Variants in PTPRE observed in about 807,000 individuals in gnomAD.
The protein encoded by PTPRE is protein tyrosine phosphatase receptor type E.
In PTPRE, 51 loss-of-function variants were observed where a neutral mutation model predicts 102.0. The ratio of observed to expected loss-of-function variants is 0.50; its 90% CI spans 0.40 to 0.63. PTPRE has a LOEUF of 0.63. PTPRE is among the 30% of genes least tolerant of loss of function. The probability of loss-of-function intolerance (pLI) is 0.00; values close to 1 mark genes in which losing one functional copy is unlikely to be tolerated. For missense variants in PTPRE, 752 were observed against 915.1 expected, an observed-to-expected ratio of 0.82 and a Z score of 2.30; for synonymous variants, 345 against 348.2, an observed-to-expected ratio of 0.99 and a Z score of 0.10.
At chr10:127,975,768 A>G (rs528734659) in intron 1 of PTPRE, among the ~76,000 whole-genome samples, 1 of 152,320 alleles carries the variant, frequency 6.6e-6, no homozygotes, top group Admixed American at 6.5e-5. Flanking sequence ...TGTCCTGAAT[A>G]CATTTCAGAG....
chr10:128,030,071 C>T (rs80057431), intron 2 of PTPRE, among the ~76,000 whole-genome samples: 2,395 of 152,322 alleles, frequency 0.016, 29 homozygotes, highest in Non-Finnish European at 0.024. Context: ...TTGCAGGCTC[C>T]TTTTTGGAAA....
At chr10:128,044,060 T>G (rs1051956047) in intron 3 of PTPRE, among the ~76,000 whole-genome samples, 7 of 152,208 alleles carry the variant, frequency 4.6e-5, no homozygotes, top group Non-Finnish European at 1.0e-4. Flanking sequence ...AGTAGTATGG[T>G]CTATTTATTT....
chr10:127,953,402 A>G (rs1849181314), intron 1 of PTPRE, among the ~76,000 whole-genome samples: 1 of 152,222 alleles, frequency 6.6e-6, no homozygotes, highest in African/African-American at 2.4e-5. Flanking sequence ...GCCTGCTGCT[A>G]TATCTTAGTA....
At chr10:127,972,150 T>C (rs1850795212) in intron 1 of PTPRE, among the ~76,000 whole-genome samples, 2 of 152,158 alleles carry the variant, frequency 1.3e-5, no homozygotes, top group African/African-American at 4.8e-5. Context: ...TCCTTGTCAG[T>C]ATCCTGTCTG....
intron 1 of PTPRE, among the ~76,000 whole-genome samples, chr10:127,914,281 A>G (rs1442969071): frequency 6.6e-6 from 1 of 152,152 alleles, no homozygotes; most frequent in African/African-American, 2.4e-5. Flanking sequence ...TCAGCCAATT[A>G]AACCTCATTT....
chr10:127,909,561 G>A (rs557040608), intron 1 of PTPRE, among the ~76,000 whole-genome samples: 13 of 152,248 alleles, frequency 8.5e-5, no homozygotes, highest in African/African-American at 1.2e-4. Context: ...GACTCAATGC[G>A]TCAAAATCAA....
At chr10:128,040,064 C>T (rs1415834594) in intron 2 of PTPRE, among the ~76,000 whole-genome samples, 2 of 152,170 alleles carry the variant, frequency 1.3e-5, no homozygotes, top group Non-Finnish European at 2.9e-5. Flanking sequence ...GCATTCCCAC[C>T]CCCTACCCCC....
intron 2 of PTPRE, among the ~76,000 whole-genome samples, chr10:128,003,223 C>T (rs1854152681): frequency 1.3e-5 from 2 of 152,160 alleles, no homozygotes; most frequent in Admixed American, 1.3e-4. Flanking sequence ...ATAAACCACT[C>T]AGCACACGCC....
chr10:128,010,759 T>G (rs1844948739), intron 2 of PTPRE, among the ~76,000 whole-genome samples: 1 of 152,050 alleles, frequency 6.6e-6, no homozygotes, highest in Non-Finnish European at 1.5e-5. Flanking sequence ...GCCCGGCTAA[T>G]TTTTTGTATT....
chr10:127,987,432 T>C (rs1455983633), intron 2 of PTPRE: 2 of 1,016,690 alleles, frequency 2.0e-6, no homozygotes, highest in East Asian at 6.1e-5. Flanking sequence ...CTTGTCTCTT[T>C]GGTTTTGTGT....
intron 1 of PTPRE, among the ~76,000 whole-genome samples, chr10:127,919,558 G>C (rs1037501730): frequency 6.6e-5 from 10 of 152,292 alleles, no homozygotes; most frequent in Admixed American, 2.6e-4. Context: ...ATGGTGCTGG[G>C]CCTCAGGAAA....
chr10:128,024,993 A>C (rs1241899075), intron 2 of PTPRE, among the ~76,000 whole-genome samples: 2 of 151,860 alleles, frequency 1.3e-5, no homozygotes, highest in Non-Finnish European at 2.9e-5. Flanking sequence ...CCATCTCTAC[A>C]AAAAATATAA....
At chr10:127,967,479 C>T (rs1375391550) in intron 1 of PTPRE, among the ~76,000 whole-genome samples, 1 of 152,216 alleles carries the variant, frequency 6.6e-6, no homozygotes, top group Non-Finnish European at 1.5e-5. Context: ...TGCACACACA[C>T]TCTTGCCTGC....
intron 2 of PTPRE, among the ~76,000 whole-genome samples, chr10:128,025,450 G>A (rs765740994): frequency 6.6e-6 from 1 of 152,186 alleles, no homozygotes; most frequent in Non-Finnish European, 1.5e-5. Context: ...GGTCATTTGA[G>A]TATGGAAATA....
chr10:128,035,405 A>G (rs576079269), intron 2 of PTPRE, among the ~76,000 whole-genome samples: 18 of 152,350 alleles, frequency 1.2e-4, no homozygotes, highest in Admixed American at 1.0e-3. Context: ...TCATTGGTCA[A>G]TAAATGTTTT....
Position 128,002,019 on chromosome 10 carries a change from G to A in PTPRE, c.-8+19723G>A, listed in dbSNP as rs373704539. 9.2e-5 allele frequency among the ~76,000 whole-genome samples: 14 copies of A among 152,250 alleles called. No individual in the cohort carries two copies. The East Asian group carries it at 1.2e-3, about 13-fold the overall frequency. On this transcript the variant is annotated intron_variant, in intron 2 of 20. Coordinates refer to ENST00000254667, the MANE Select transcript of PTPRE (RefSeq NM_006504.6). ...CTGCAGGCTGGAGGGCTGTTCTGTC[G>A]CTGGCTCTGCTCGTACTTGGTAGAG... is the stretch of plus-strand genomic sequence containing the variant.
rs374331122 is a variant in PTPRE at position 128,072,215 on chromosome 10, G to A, written c.1464+1G>A. On this transcript the variant is annotated splice_donor_variant, in intron 16 of 20. Coordinates refer to ENST00000254667, the MANE Select transcript of PTPRE (RefSeq NM_006504.6). LOFTEE classifies it high-confidence loss of function. ...CTACATCAACGCATCCTTCATAGACGTACGTATGCTGGCCTGGGTTGTGTT... is the reference window on the plus strand; with the variant it reads ...CTACATCAACGCATCCTTCATAGACATACGTATGCTGGCCTGGGTTGTGTT... 7 of 1,612,152 alleles carry A rather than the reference G, an allele frequency of 4.3e-6. No individual in the cohort carries two copies. The highest frequency in any genetic ancestry group is 1.7e-5 in the Admixed American group (1 of 59,894).
intron 2 of PTPRE, chr10:127,999,910 C>A (rs1216649933): frequency 1.0e-6 from 1 of 985,302 alleles, no homozygotes; most frequent in African/African-American, 1.7e-5. Context: ...GTGCTGTGGA[C>A]ATGGGTCTGA....
intron 16 of PTPRE, chr10:128,072,576 C>T (rs888721077): frequency 7.2e-5 from 12 of 166,416 alleles, no homozygotes; most frequent in African/African-American, 1.3e-4. Flanking sequence ...TGCTTGAATC[C>T]GGGAGGCTGA....
Sources: allele counts gnomAD v4.1 joint callset (sites outside exome capture counted in the v4.1 genomes callset), GRCh38; gene constraint gnomAD v4.1.1; transcripts MANE v1.5; gene names NCBI Gene and HGNC (gene_info 2026-07-23, HGNC 2026-07-21).